SLCO4C1: variants seen among roughly 807,000 people sequenced by gnomAD.
The protein encoded by SLCO4C1 is organic anion transporter M1.
In SLCO4C1, 58 loss-of-function variants were observed where a neutral mutation model predicts 72.1. The ratio of observed to expected loss-of-function variants is 0.80; its 90% CI spans 0.65 to 1.00. The LOEUF is 1.00. Ranked by LOEUF, SLCO4C1 falls within the 50% of genes least tolerant of loss-of-function variation. The pLI, the probability that SLCO4C1 is intolerant of heterozygous loss-of-function variation, is 0.00. For synonymous variants in SLCO4C1, 297 were observed against 312.5 expected (o/e 0.95, Z 0.52); for missense variants, 898 against 857.9 (o/e 1.05, Z -0.58).
At chr5:102,251,258 G>A (rs73778237) in intron 8 of SLCO4C1, among the ~76,000 whole-genome samples, 3,846 of 152,220 alleles carry the variant, frequency 0.025, 162 homozygotes, top group African/African-American at 0.088. Flanking sequence ...TCAAAAGTTC[G>A]TTTTAAAGAA....
intron 8 of SLCO4C1, among the ~76,000 whole-genome samples, chr5:102,254,930 G>A (rs1331305133): frequency 2.0e-5 from 3 of 151,970 alleles, no homozygotes; most frequent in Non-Finnish European, 4.4e-5. Flanking sequence ...GTGTTTCTTA[G>A]ATGAGACTAG....
chr5:102,252,134 A>T (rs1561368707), intron 8 of SLCO4C1, among the ~76,000 whole-genome samples: 1 of 151,624 alleles, frequency 6.6e-6, no homozygotes, highest in Non-Finnish European at 1.5e-5. Context: ...GGAAAGAAGG[A>T]AAAGGAAGGG....
At chr5:102,263,101 C>G (rs1286389157) in intron 4 of SLCO4C1, among the ~76,000 whole-genome samples, 1 of 152,180 alleles carries the variant, frequency 6.6e-6, no homozygotes, top group Non-Finnish European at 1.5e-5. Flanking sequence ...ACTTACCAAC[C>G]TGTGCGTATC....
At position 102,262,053 on chromosome 5, in the gene SLCO4C1, G is replaced by A. The variant is rs1239198262; in HGVS notation, c.900-20C>T. 6.3e-7 allele frequency: 1 copy of A among 1,590,802 alleles called. No individual in the cohort carries two copies. The highest frequency in any genetic ancestry group is 1.4e-5 in the African/African-American group (1 of 73,652). On this transcript the variant is annotated intron_variant, in intron 4 of 12. Coordinates refer to ENST00000310954, the MANE Select transcript of SLCO4C1 (RefSeq NM_180991.5). The stretch of plus-strand genomic sequence containing the variant: ...TCAGTGCTATATGATAGAAAAACAA[G>A]AGGTAAAAGTCAACTCTACCTTATT...
In SLCO4C1 at chr5:102,239,171, A is replaced by G. The variant is rs972445166; in HGVS notation, c.2014+80T>C. 28 of 1,299,504 alleles carry G rather than the reference A, an allele frequency of 2.2e-5. No individual in the cohort carries two copies. The African/African-American group carries it at 4.2e-4, about 20-fold the overall frequency. 80.5% of individuals were successfully genotyped at this position (1,299,504 alleles called of 1,614,324 possible). A position where few individuals can be genotyped will look rare whatever the true frequency, so the allele number is the denominator to read the frequency against. ...GACTGAACATTTCAAAATACCTGTG[A>G]CCCTAAGTAACCAACAATGAGATTT... On this transcript the variant is annotated intron_variant, in intron 12 of 12. Transcript: ENST00000310954.
chr5:102,286,696 T>A (rs2112398000), intron 2 of SLCO4C1, among the ~76,000 whole-genome samples: 1 of 152,194 alleles, frequency 6.6e-6, no homozygotes, highest in Non-Finnish European at 1.5e-5. Flanking sequence ...CCTTTGATCA[T>A]CTCCATTCAA....
At chr5:102,243,904 G>A (rs1748591274) in intron 10 of SLCO4C1, among the ~76,000 whole-genome samples, 1 of 152,142 alleles carries the variant, frequency 6.6e-6, no homozygotes, top group Admixed American at 6.5e-5. Flanking sequence ...AATAATATTG[G>A]CCAGGCATGG....
At chr5:102,271,344 T>A (rs1009505069) in intron 2 of SLCO4C1, among the ~76,000 whole-genome samples, 1 of 151,000 alleles carries the variant, frequency 6.6e-6, no homozygotes, top group Non-Finnish European at 1.5e-5. Context: ...TATTGTATTA[T>A]ACATAGGTTT....
chr5:102,258,227 A>C, intron 6 of SLCO4C1, 140 bp from the exon 7 acceptor site: 1 of 579,306 alleles, frequency 1.7e-6, no homozygotes, highest in South Asian at 3.3e-5. Context: ...ACAAAAATAT[A>C]ACTATGGATA....
chr5:102,289,939 T>G (rs1749522759), intron 2 of SLCO4C1, among the ~76,000 whole-genome samples: 1 of 152,246 alleles, frequency 6.6e-6, no homozygotes, highest in South Asian at 2.1e-4. Context: ...ATTTTCCTGT[T>G]TGTTATCATT....
intron 8 of SLCO4C1, among the ~76,000 whole-genome samples, chr5:102,255,910 A>G (rs1205958021): frequency 6.6e-6 from 1 of 152,222 alleles, no homozygotes; most frequent in African/African-American, 2.4e-5. Flanking sequence ...TGTTGAACAA[A>G]TGTAATGGAG....
chr5:102,239,196 T>TC, intron 12 of SLCO4C1, 55 bp downstream of exon 12: 7 of 1,454,084 alleles, frequency 4.8e-6, no homozygotes, highest in Non-Finnish European at 5.5e-6. Flanking sequence ...CAATGAGATT[T>TC]TTTTTTTTTT....
At chr5:102,276,089 A>G (rs1407024679) in intron 2 of SLCO4C1, among the ~76,000 whole-genome samples, 1 of 152,156 alleles carries the variant, frequency 6.6e-6, no homozygotes, top group African/African-American at 2.4e-5. Context: ...CCTATTAGCT[A>G]ACCCAACTAC....
At chr5:102,270,293 C>T (rs1222772153) in intron 3 of SLCO4C1, among the ~76,000 whole-genome samples, 1 of 152,034 alleles carries the variant, frequency 6.6e-6, no homozygotes, top group African/African-American at 2.4e-5. Context: ...AATCTCTACA[C>T]CTTGTAGAGA....
chr5:102,255,053 T>C (rs928646036), intron 8 of SLCO4C1, among the ~76,000 whole-genome samples: 2 of 152,218 alleles, frequency 1.3e-5, no homozygotes, highest in African/African-American at 4.8e-5. Context: ...ACCTACTTTG[T>C]GACATTAAAT....
At chr5:102,268,135 T>C (rs1004822733) in intron 3 of SLCO4C1, among the ~76,000 whole-genome samples, 16 of 152,118 alleles carry the variant, frequency 1.1e-4, no homozygotes, top group Non-Finnish European at 2.2e-4. Context: ...AAGTGCAATA[T>C]TATTCACTGA....
In SLCO4C1 at chr5:102,234,844, C is replaced by G. The variant is rs1748404925; in HGVS notation, c.*2014G>C. The G allele has an allele frequency of 6.6e-6, 1 of 152,178 alleles. No homozygotes were observed. Among genetic ancestry groups the G allele is most frequent in the South Asian group, 2.1e-4 (1 of 4,830 alleles). 9.4% of individuals were successfully genotyped at this position (152,178 alleles called of 1,614,324 possible). ...GGGCTCCAATAGGAAGCAGCATTTA[C>G]AACGTGTCTGGCTTGGTGGGAGGAA... is the stretch of plus-strand genomic sequence containing the variant. On this transcript the variant is annotated 3_prime_UTR_variant, in exon 13 of 13. Transcript: ENST00000310954.
At chr5:102,273,040 T>C (rs1449094904) in intron 2 of SLCO4C1, among the ~76,000 whole-genome samples, 1 of 151,956 alleles carries the variant, frequency 6.6e-6, no homozygotes, top group African/African-American at 2.4e-5. Flanking sequence ...TCATGTTTTG[T>C]TCTATAAAAC....
rs369171477 is a variant in SLCO4C1 at position 102,236,882 on chromosome 5, G to A, written c.2151C>T (p.Leu717=). The A allele has an allele frequency of 6.6e-5, 107 of 1,611,712 alleles. No individual in the cohort carries two copies. Among genetic ancestry groups the A allele is most frequent in the Admixed American group, 1.7e-4 (10 of 59,704 alleles). The part of the protein sequence containing the change: ...VVTNVLAEQD[L]NKIVKEG Reference sequence around the variant, plus strand: ...TTCACCCTTCTTTTACTATTTTGTTGAGATCCTGTTCTGCTAAAACATTAG... The same window carrying A: ...TTCACCCTTCTTTTACTATTTTGTTAAGATCCTGTTCTGCTAAAACATTAG... The change falls in exon 13 of 13, where the codon CTC becomes CTT. Residue 717 remains leucine, a synonymous_variant. Transcript: ENST00000310954.
Sources: gnomAD v4.1 joint callset for allele counts (sites outside exome capture counted in the v4.1 genomes callset) on GRCh38, gnomAD v4.1.1 for gene constraint, MANE v1.5 for transcripts, NCBI Gene and HGNC (gene_info 2026-07-23, HGNC 2026-07-21) for gene names.